Variants in ATE1 observed in about 807,000 individuals in gnomAD.
ATE1 encodes the protein arginyltransferase 1, also known as arginyl-tRNA--protein transferase 1.
Under a neutral mutation model 70.5 loss-of-function variants are expected in ATE1, and 36 were observed. The observed-to-expected ratio is 0.51, with a 90% CI of 0.39 to 0.67. The LOEUF (loss-of-function observed/expected upper bound fraction) is 0.67, where lower values mean the gene tolerates loss of function less well. Ranked by LOEUF, ATE1 falls within the 30% of genes least tolerant of loss-of-function variation. The pLI is 0.00. For synonymous variants in ATE1, 232 were observed against 219.3 expected (o/e 1.06, Z -0.51); for missense variants, 593 against 629.5 (o/e 0.94, Z 0.62).
At chr10:121,812,113 G>A (rs1271620185) in intron 10 of ATE1, among the ~76,000 whole-genome samples, 4 of 151,826 alleles carry the variant, frequency 2.6e-5, no homozygotes, top group South Asian at 2.1e-4. Flanking sequence ...GAGACACCAC[G>A]CCTGACTAAT....
intron 8 of ATE1, among the ~76,000 whole-genome samples, chr10:121,864,188 G>A (rs1332431920): frequency 6.6e-6 from 1 of 152,164 alleles, no homozygotes; most frequent in African/African-American, 2.4e-5. Context: ...TGGCACCAGG[G>A]ACTGGTTTCG....
intron 10 of ATE1, among the ~76,000 whole-genome samples, chr10:121,812,280 C>A (rs529809161): frequency 6.6e-6 from 1 of 152,134 alleles, no homozygotes; most frequent in Non-Finnish European, 1.5e-5. Context: ...AAATATGTAG[C>A]CACGGTATGT....
chr10:121,860,341 T>C (rs1333565244), intron 8 of ATE1, among the ~76,000 whole-genome samples: 2 of 152,224 alleles, frequency 1.3e-5, no homozygotes, highest in African/African-American at 2.4e-5. Context: ...TGGACACTGC[T>C]TCTGCAGTCC....
intron 3 of ATE1, among the ~76,000 whole-genome samples, chr10:121,915,358 C>T (rs562231561): frequency 6.6e-6 from 1 of 151,690 alleles, no homozygotes; most frequent in East Asian, 1.9e-4. Flanking sequence ...AGATGAAAAA[C>T]TGAAGAGAAA....
intron 11 of ATE1, among the ~76,000 whole-genome samples, chr10:121,760,827 A>G (rs1343545562): frequency 6.6e-6 from 1 of 152,214 alleles, no homozygotes; most frequent in African/African-American, 2.4e-5. Context: ...TGGAAGAGTT[A>G]ACTGATGCAG....
chr10:121,920,709 T>C (rs907603617), intron 3 of ATE1, among the ~76,000 whole-genome samples: 1 of 151,982 alleles, frequency 6.6e-6, no homozygotes, highest in Non-Finnish European at 1.5e-5. Flanking sequence ...AAAACTGGAC[T>C]CTGGGCCAGG....
chr10:121,742,139 C>A lies in ATE1; in HGVS notation c.*1541G>T, dbSNP rs535370237. Reference sequence around the variant, plus strand: ...TTGCTCACTACTCTAGCTCGGTTAGCAGAGTACGCAGCACCTTGGCAGGTG... The same window carrying A: ...TTGCTCACTACTCTAGCTCGGTTAGAAGAGTACGCAGCACCTTGGCAGGTG... On this transcript the variant is annotated 3_prime_UTR_variant, in exon 12 of 12. Coordinates refer to ENST00000224652, the MANE Select transcript of ATE1 (RefSeq NM_001001976.3). The A allele has an allele frequency of 6.6e-6, 1 of 152,320 alleles. No individual in the cohort carries two copies. Among genetic ancestry groups the A allele is most frequent in the South Asian group, 2.1e-4 (1 of 4,826 alleles). The allele number at this position is 152,320 out of a possible 1,614,324, so 9.4% of individuals were successfully genotyped here. A position where few individuals can be genotyped will look rare whatever the true frequency, so the allele number is the denominator to read the frequency against.
At chr10:121,747,321 C>G (rs898741294) in intron 11 of ATE1, among the ~76,000 whole-genome samples, 12 of 152,210 alleles carry the variant, frequency 7.9e-5, no homozygotes, top group Non-Finnish European at 1.3e-4. Context: ...CATTCCTCGC[C>G]CTCCACCTGT....
chr10:121,795,276 A>C (rs1946618973), intron 10 of ATE1, among the ~76,000 whole-genome samples: 1 of 152,216 alleles, frequency 6.6e-6, no homozygotes. Flanking sequence ...AATTTTTTAA[A>C]AAAAGAATAT....
At chr10:121,834,721 A>T (rs1453157931) in intron 10 of ATE1, among the ~76,000 whole-genome samples, 4 of 152,192 alleles carry the variant, frequency 2.6e-5, no homozygotes, top group African/African-American at 9.6e-5. Context: ...AGAAGAAAAA[A>T]GAAAAAAAAC....
chr10:121,817,517 C>T (rs150754756), intron 10 of ATE1, among the ~76,000 whole-genome samples: 5,877 of 140,562 alleles, frequency 0.042, 170 homozygotes, highest in Middle Eastern at 0.1. Flanking sequence ...CCAGCCTGGG[C>T]GACAGAGCGA....
intron 10 of ATE1, among the ~76,000 whole-genome samples, chr10:121,804,922 G>T (rs1027642768): frequency 1.3e-5 from 2 of 152,052 alleles, no homozygotes; most frequent in African/African-American, 4.8e-5. Context: ...TATCTTCACA[G>T]AGACTATTTA....
At chr10:121,749,999 C>T (rs763927570) in intron 11 of ATE1, among the ~76,000 whole-genome samples, 5 of 152,126 alleles carry the variant, frequency 3.3e-5, no homozygotes, top group Non-Finnish European at 7.3e-5. Flanking sequence ...CACTTAGTTA[C>T]GTTCCTAAGA....
intron 8 of ATE1, among the ~76,000 whole-genome samples, chr10:121,847,746 G>A: frequency 9.3e-6 from 1 of 107,908 alleles, no homozygotes; most frequent in Admixed American, 1.3e-4. Flanking sequence ...GACAGAGCGA[G>A]ACTCTGTCTC....
intron 8 of ATE1, among the ~76,000 whole-genome samples, chr10:121,868,296 G>T (rs1023338168): frequency 6.6e-6 from 1 of 152,068 alleles, no homozygotes; most frequent in African/African-American, 2.4e-5. Context: ...CATATTAATT[G>T]CTTCTAGAAG....
intron 11 of ATE1, among the ~76,000 whole-genome samples, chr10:121,786,230 T>G (rs79613951): frequency 7.6e-5 from 7 of 92,496 alleles, no homozygotes; most frequent in Non-Finnish European, 1.6e-4. Context: ...TTTTTTTTTT[T>G]TTGTAAATCT....
intron 8 of ATE1, among the ~76,000 whole-genome samples, chr10:121,863,902 A>ACTTTC (rs1564907401): frequency 6.6e-6 from 1 of 152,216 alleles, no homozygotes; most frequent in African/African-American, 2.4e-5. Flanking sequence ...GCATAAGCCA[A>ACTTTC]CTTTCCTAGG....
chr10:121,886,725 C>G, intron 7 of ATE1, among the ~76,000 whole-genome samples: 1 of 152,146 alleles, frequency 6.6e-6, no homozygotes, highest in Non-Finnish European at 1.5e-5. Flanking sequence ...GCTGTAGGAA[C>G]TTAACTCTTG....
At chr10:121,868,500 ATT>A (rs1183724986) in intron 8 of ATE1, among the ~76,000 whole-genome samples, 3 of 152,222 alleles carry the variant, frequency 2.0e-5, no homozygotes, top group Non-Finnish European at 2.9e-5. Flanking sequence ...TAAAACTTAT[ATT>A]GTCTTCAACT....
Sources: allele counts gnomAD v4.1 joint callset (sites outside exome capture counted in the v4.1 genomes callset), GRCh38; gene constraint gnomAD v4.1.1; transcripts MANE v1.5; gene names NCBI Gene and HGNC (gene_info 2026-07-23, HGNC 2026-07-21).